The following SESN1 variants were observed in gnomAD, a reference collection of about 807,000 sequenced individuals.
SESN1 encodes sestrin 1, also known as sestrin-1.
A neutral mutation model predicts 59.3 loss-of-function variants in SESN1; 30 were observed. That is an observed-to-expected ratio of 0.51 (90% confidence interval 0.38 to 0.69). The LOEUF (loss-of-function observed/expected upper bound fraction) is 0.69, where lower values mean the gene tolerates loss of function less well. Ranked by LOEUF, SESN1 falls within the 30% of genes least tolerant of loss-of-function variation. The pLI, the probability that SESN1 is intolerant of heterozygous loss-of-function variation, is 0.00. For missense variants in SESN1, 566 were observed against 673.0 expected, an observed-to-expected ratio of 0.84 and a Z score of 1.76; for synonymous variants, 197 against 219.9, an observed-to-expected ratio of 0.90 and a Z score of 0.92.
At chr6:109,039,788 G>T (rs1310177826) in intron 1 of SESN1, among the ~76,000 whole-genome samples, 1 of 152,206 alleles carries the variant, frequency 6.6e-6, no homozygotes, top group African/African-American at 2.4e-5. Context: ...TAAGAACCTT[G>T]TTGATCTTTC....
At chr6:109,037,076 C>A (rs1780261071) in intron 1 of SESN1, among the ~76,000 whole-genome samples, 1 of 152,138 alleles carries the variant, frequency 6.6e-6, no homozygotes, top group African/African-American at 2.4e-5. Context: ...CCTGATACAG[C>A]ATAAAAAGGC....
In SESN1 at chr6:108,987,505, G is replaced by A; in HGVS notation, c.*39C>T. On this transcript the variant is annotated 3_prime_UTR_variant, in exon 10 of 10. Coordinates refer to ENST00000436639, the MANE Select transcript of SESN1 (RefSeq NM_014454.3). ...ACCTTCCCCCTTGTAGACTATATCT[G>A]CTGATCATTCCAGAATCATCTTTAA... The A allele has an allele frequency of 8.6e-7, 1 of 1,156,454 alleles. No individual in the cohort carries two copies. Among genetic ancestry groups the A allele is most frequent in the South Asian group, 1.2e-5 (1 of 80,290 alleles). 71.6% of individuals were successfully genotyped at this position (1,156,454 alleles called of 1,614,324 possible).
chr6:109,028,700 C>T (rs531565648), intron 1 of SESN1, among the ~76,000 whole-genome samples: 1 of 152,198 alleles, frequency 6.6e-6, no homozygotes, highest in African/African-American at 2.4e-5. Context: ...GCAACACATA[C>T]CATAGAAGCA....
Position 108,994,452 on chromosome 6 carries a change from T to C in SESN1, c.1120+10A>G. 1 of 1,605,788 alleles carries C rather than the reference T, an allele frequency of 6.2e-7. No homozygotes were observed. The highest frequency in any genetic ancestry group is 1.1e-5 in the South Asian group (1 of 89,890). ...AATAATTATATTGACTATATAATGG[T>C]TGTTCTTACCTGAAGAGAAGACAAA... On this transcript the variant is annotated intron_variant, in intron 6 of 9. Coordinates refer to ENST00000436639, the MANE Select transcript of SESN1 (RefSeq NM_014454.3).
intron 1 of SESN1, among the ~76,000 whole-genome samples, chr6:109,068,360 T>A (rs972693780): frequency 1.3e-5 from 2 of 152,036 alleles, no homozygotes; most frequent in African/African-American, 4.8e-5. Context: ...AAAGTAACAA[T>A]CTGAGAATAC....
chr6:109,068,056 A>G (rs1780865592), intron 1 of SESN1, among the ~76,000 whole-genome samples: 1 of 152,116 alleles, frequency 6.6e-6, no homozygotes, highest in African/African-American at 2.4e-5. Context: ...ATAGCTGCAG[A>G]CCTCACTGAG....
intron 5 of SESN1, among the ~76,000 whole-genome samples, chr6:108,995,332 ATG>A (rs1281909100): frequency 2.0e-5 from 3 of 152,194 alleles, no homozygotes; most frequent in African/African-American, 7.2e-5. Flanking sequence ...CATATTGTCA[ATG>A]TGTCTATCAT....
At chr6:109,019,206 C>T (rs1038033936) in intron 1 of SESN1, among the ~76,000 whole-genome samples, 2 of 151,704 alleles carry the variant, frequency 1.3e-5, no homozygotes, top group Non-Finnish European at 3.0e-5. Context: ...CACACACAAA[C>T]ACACACACAG....
At chr6:109,092,441 T>C (rs981392534) in intron 1 of SESN1, among the ~76,000 whole-genome samples, 8 of 152,252 alleles carry the variant, frequency 5.3e-5, no homozygotes, top group African/African-American at 1.7e-4. Context: ...ATTTTCAATA[T>C]AACTCTTAAC....
At chr6:109,089,998 T>C (rs2114483721) in intron 1 of SESN1, among the ~76,000 whole-genome samples, 1 of 152,292 alleles carries the variant, frequency 6.6e-6, no homozygotes, top group East Asian at 1.9e-4. Context: ...TGGCTTCCAT[T>C]ATTTCTATGA....
intron 1 of SESN1, among the ~76,000 whole-genome samples, chr6:109,035,159 C>A (rs1278846128): frequency 6.6e-6 from 1 of 152,082 alleles, no homozygotes; most frequent in Non-Finnish European, 1.5e-5. Flanking sequence ...TTACCCCCAA[C>A]CACTCTAGGG....
intron 1 of SESN1, among the ~76,000 whole-genome samples, chr6:109,072,918 G>T (rs1780962703): frequency 6.6e-6 from 1 of 151,454 alleles, no homozygotes; most frequent in African/African-American, 2.4e-5. Context: ...TTAATAAAAT[G>T]GCAAAGATAT....
intron 8 of SESN1, among the ~76,000 whole-genome samples, chr6:108,989,322 ATTT>A (rs1226067423): frequency 6.6e-6 from 1 of 152,128 alleles, no homozygotes; most frequent in Non-Finnish European, 1.5e-5. Flanking sequence ...CTGAAAACAG[ATTT>A]TGAGTATTAT....
chr6:109,024,296 G>A (rs976081090), intron 1 of SESN1, among the ~76,000 whole-genome samples: 1 of 152,030 alleles, frequency 6.6e-6, no homozygotes, highest in African/African-American at 2.4e-5. Flanking sequence ...AGGGCATAGG[G>A]ACTACCATTA....
At chr6:109,056,408 AAAC>A (rs147604661) in intron 1 of SESN1, among the ~76,000 whole-genome samples, 3,563 of 152,240 alleles carry the variant, frequency 0.023, 157 homozygotes, top group African/African-American at 0.082. Flanking sequence ...TGTCTTGGAA[AAAC>A]AACAACAACA....
intron 5 of SESN1, among the ~76,000 whole-genome samples, chr6:108,995,745 CT>C (rs1779491314): frequency 6.6e-6 from 1 of 152,160 alleles, no homozygotes; most frequent in African/African-American, 2.4e-5. Context: ...GATTGTGCCA[CT>C]GTATTCCAGC....
rs1779146652 is a variant in SESN1, at chr6:108,985,025, T to C, written c.*2519A>G. 1.3e-5 allele frequency among the ~76,000 whole-genome samples: 2 copies of C among 152,236 alleles called. No individual in the cohort carries two copies. The highest frequency in any genetic ancestry group is 6.5e-5 in the Admixed American group (1 of 15,284). On this transcript the variant is annotated 3_prime_UTR_variant, in exon 10 of 10. Transcript: ENST00000436639. ...TCATCTTGCTGACATTACTCCCATC[T>C]ACCAGTGTTAGCAAAAAACTAGTAT... is the stretch of plus-strand genomic sequence containing the variant.
intron 1 of SESN1, among the ~76,000 whole-genome samples, chr6:109,026,314 G>GA (rs1358852122): frequency 1.3e-5 from 2 of 152,090 alleles, no homozygotes; most frequent in African/African-American, 4.8e-5. Context: ...AAGGAAGTGT[G>GA]AAAAAGACCA....
intron 6 of SESN1, among the ~76,000 whole-genome samples, chr6:108,993,312 C>T (rs1162806738): frequency 6.6e-6 from 1 of 152,144 alleles, no homozygotes; most frequent in Non-Finnish European, 1.5e-5. Flanking sequence ...TAATATGTAA[C>T]ATGATCAAAG....
Sources: allele counts gnomAD v4.1 joint callset (sites outside exome capture counted in the v4.1 genomes callset), GRCh38; gene constraint gnomAD v4.1.1; transcripts MANE v1.5; gene names NCBI Gene and HGNC (gene_info 2026-07-23, HGNC 2026-07-21).